The following KCNQ3 variants were observed in gnomAD, a reference collection of about 807,000 sequenced individuals.
KCNQ3 encodes potassium voltage-gated channel subfamily Q member 3, also known as potassium voltage-gated channel subfamily KQT member 3.
In KCNQ3, 30 loss-of-function variants were observed where a neutral mutation model predicts 92.5. That is an observed-to-expected ratio of 0.32 (90% confidence interval 0.24 to 0.44). The LOEUF (loss-of-function observed/expected upper bound fraction) is 0.44. KCNQ3 is among the 20% of genes least tolerant of loss of function. The pLI is 1.00. For missense variants in KCNQ3, 913 were observed against 1,140.3 expected (o/e 0.80, Z 2.87); for synonymous variants, 450 against 468.8 (o/e 0.96, Z 0.52).
At chr8:132,262,381 G>A (rs1339751518) in intron 1 of KCNQ3, among the ~76,000 whole-genome samples, 1 of 152,170 alleles carries the variant, frequency 6.6e-6, no homozygotes, top group Non-Finnish European at 1.5e-5. Flanking sequence ...TGTAAGGTAT[G>A]TGAATTATAT....
chr8:132,247,044 G>A (rs1815203552), intron 1 of KCNQ3, among the ~76,000 whole-genome samples: 1 of 152,188 alleles, frequency 6.6e-6, no homozygotes, highest in South Asian at 2.1e-4. Context: ...ACACCTGATA[G>A]TCTCTCTATC....
Position 132,141,287 on chromosome 8 carries a change from C to T in KCNQ3, c.1307G>A (p.Arg436His). 2 of 1,614,132 alleles carry T rather than the reference C, an allele frequency of 1.2e-6. No individual in the cohort carries two copies. The highest frequency in any genetic ancestry group is 1.7e-6 in the Non-Finnish European group (2 of 1,180,030). The stretch of plus-strand genomic sequence containing the variant: ...TAGCTTTCCTTTAGTATTGCTACCA[C>T]GAGGATTAGAAAGGCGAACCCGATC... ...LLDRVRLSNP[R>H]GSNTKGKLFT... Residue 436 changes from arginine to histidine, a missense_variant, in exon 10 of 15, where the codon CGT (arginine) becomes CAT (histidine). Around this residue, in one of 6 missense-constraint regions of KCNQ3, gnomAD observed 182 missense variants for 234.5 expected, o/e 0.78. Transcript: ENST00000388996.
chr8:132,220,693 G>A (rs1455672510), intron 1 of KCNQ3, among the ~76,000 whole-genome samples: 1 of 152,100 alleles, frequency 6.6e-6, no homozygotes, highest in South Asian at 2.1e-4. Flanking sequence ...AGGTTGCAGT[G>A]AGTCAAGATG....
intron 1 of KCNQ3, among the ~76,000 whole-genome samples, chr8:132,238,024 G>A (rs188245080): frequency 1.6e-4 from 24 of 152,252 alleles, no homozygotes; most frequent in Admixed American, 1.4e-3. Flanking sequence ...AGAGAACACA[G>A]TAAAGCACAG....
rs140945740 is a variant in KCNQ3, at chr8:132,332,203, G to C, written c.387-146022C>G. 5.8e-3 allele frequency among the ~76,000 whole-genome samples: 882 copies of C among 152,276 alleles called. 10 individuals are homozygous for C. The highest frequency in any genetic ancestry group is 0.02 in the African/African-American group (824 of 41,554). On this transcript the variant is annotated intron_variant, in intron 1 of 14. Coordinates refer to ENST00000388996, the MANE Select transcript of KCNQ3 (RefSeq NM_004519.4). ...GGCAGCCCATGGAGAGGTGCCTGTG[G>C]GGAGGGACCAGAGCCTACCCAAAAC...
chr8:132,379,160 C>A (rs886679558), intron 1 of KCNQ3, among the ~76,000 whole-genome samples: 2 of 152,190 alleles, frequency 1.3e-5, no homozygotes, highest in Non-Finnish European at 2.9e-5. Context: ...TCACTTTTTA[C>A]CTTCTCTACA....
chr8:132,399,981 A>G (rs895727385), intron 1 of KCNQ3, among the ~76,000 whole-genome samples: 33 of 152,198 alleles, frequency 2.2e-4, no homozygotes, highest in African/African-American at 8.0e-4. Flanking sequence ...AATCCTGGAC[A>G]ACAACCTACC....
chr8:132,140,731 C>T (rs1232581879), intron 10 of KCNQ3: 1 of 294,986 alleles, frequency 3.4e-6, no homozygotes, highest in Non-Finnish European at 6.5e-6. Flanking sequence ...GAGGCCATGG[C>T]TCCTACAGCC....
At chr8:132,335,736 AG>A (rs1818352027) in intron 1 of KCNQ3, among the ~76,000 whole-genome samples, 1 of 152,238 alleles carries the variant, frequency 6.6e-6, no homozygotes, top group Non-Finnish European at 1.5e-5. Flanking sequence ...TTTTCAGAAA[AG>A]CCTGTATCAG....
At chr8:132,217,720 A>C (rs1238724024) in intron 1 of KCNQ3, among the ~76,000 whole-genome samples, 3 of 151,428 alleles carry the variant, frequency 2.0e-5, no homozygotes, top group Non-Finnish European at 2.9e-5. Flanking sequence ...CAAAAAAAAA[A>C]AAAAAAAAAA....
At chr8:132,329,642 C>A (rs991682755) in intron 1 of KCNQ3, among the ~76,000 whole-genome samples, 49 of 152,194 alleles carry the variant, frequency 3.2e-4, no homozygotes, top group African/African-American at 1.1e-3. Flanking sequence ...ACTAACCATG[C>A]CAAGCCTCTG....
chr8:132,216,969 C>T (rs532758325), intron 1 of KCNQ3, among the ~76,000 whole-genome samples: 1 of 152,006 alleles, frequency 6.6e-6, no homozygotes, highest in Non-Finnish European at 1.5e-5. Context: ...TATATATTTA[C>T]AATAAAATAA....
intron 1 of KCNQ3, among the ~76,000 whole-genome samples, chr8:132,194,256 T>G (rs1375779732): frequency 2.6e-5 from 4 of 152,244 alleles, no homozygotes; most frequent in Admixed American, 6.5e-5. Flanking sequence ...GTCCTAACCC[T>G]TGGCCACCAT....
chr8:132,440,791 C>T (rs993559994), intron 1 of KCNQ3, among the ~76,000 whole-genome samples: 1 of 152,180 alleles, frequency 6.6e-6, no homozygotes, highest in Non-Finnish European at 1.5e-5. Flanking sequence ...CTGCCACCCT[C>T]ACAGAATGTT....
chr8:132,254,227 C>T (rs1815505521), intron 1 of KCNQ3, among the ~76,000 whole-genome samples: 1 of 152,202 alleles, frequency 6.6e-6, no homozygotes, highest in African/African-American at 2.4e-5. Flanking sequence ...GTGAAACGAG[C>T]AGGAAAGTGC....
At chr8:132,204,147 G>A (rs752895943) in intron 1 of KCNQ3, among the ~76,000 whole-genome samples, 10 of 152,184 alleles carry the variant, frequency 6.6e-5, no homozygotes, top group African/African-American at 1.7e-4. Context: ...CTGATGAAAC[G>A]GAAGTAGGTA....
intron 9 of KCNQ3, among the ~76,000 whole-genome samples, chr8:132,154,361 C>A (rs1466699991): frequency 6.6e-6 from 1 of 151,856 alleles, no homozygotes; most frequent in Non-Finnish European, 1.5e-5. Flanking sequence ...CTTCTTCAGG[C>A]CATGAAACTC....
intron 1 of KCNQ3, among the ~76,000 whole-genome samples, chr8:132,413,693 G>A (rs1820716008): frequency 6.6e-6 from 1 of 152,234 alleles, no homozygotes. Context: ...GACACCGCAA[G>A]ATGGAAAATA....
chr8:132,260,929 A>C (rs530458262), intron 1 of KCNQ3, among the ~76,000 whole-genome samples: 2 of 152,296 alleles, frequency 1.3e-5, no homozygotes, highest in African/African-American at 4.8e-5. Flanking sequence ...TCATTCTTTT[A>C]TTATTGAGAT....
Sources: allele counts gnomAD v4.1 joint callset (sites outside exome capture counted in the v4.1 genomes callset), GRCh38; gene constraint gnomAD v4.1.1; regional missense constraint gnomAD v4.1.1; transcripts MANE v1.5; gene names NCBI Gene and HGNC (gene_info 2026-07-23, HGNC 2026-07-21).